PLXNC1: variants seen among roughly 807,000 people sequenced by gnomAD.
PLXNC1 encodes plexin-C1.
Under a neutral mutation model 178.2 loss-of-function variants are expected in PLXNC1, and 75 were observed. The observed-to-expected ratio is 0.42, with a 90% confidence interval of 0.35 to 0.51. The LOEUF (loss-of-function observed/expected upper bound fraction) is 0.51, where lower values mean the gene tolerates loss of function less well. Ranked by LOEUF, PLXNC1 falls within the 20% of genes least tolerant of loss-of-function variation. The pLI is 0.02. For synonymous variants in PLXNC1, 790 were observed against 779.9 expected (o/e 1.01, Z -0.22); for missense variants, 1,503 against 1,984.4 (o/e 0.76, Z 4.61).
intron 20 of PLXNC1, among the ~76,000 whole-genome samples, chr12:94,261,945 CCTT>C (rs1413878568): frequency 5.3e-5 from 8 of 152,280 alleles, no homozygotes; most frequent in Admixed American, 3.3e-4. Context: ...ATGAAATCTG[CCTT>C]CTTTTCTGTT....
At chr12:94,290,669 G>C (rs978087321) in intron 23 of PLXNC1, among the ~76,000 whole-genome samples, 4 of 152,258 alleles carry the variant, frequency 2.6e-5, no homozygotes, top group Non-Finnish European at 4.4e-5. Flanking sequence ...AAGGAGATTA[G>C]GTTTTAATCC....
At chr12:94,210,493 G>C (rs1459728763) in intron 5 of PLXNC1, among the ~76,000 whole-genome samples, 1 of 152,200 alleles carries the variant, frequency 6.6e-6, no homozygotes, top group Non-Finnish European at 1.5e-5. Flanking sequence ...ACAGCAGCCA[G>C]CTGACCTGTC....
chr12:94,213,283 TTCC>T (rs1261327287), intron 5 of PLXNC1, among the ~76,000 whole-genome samples: 1 of 152,232 alleles, frequency 6.6e-6, no homozygotes, highest in Non-Finnish European at 1.5e-5. Context: ...TGTAAAAGTG[TTCC>T]TGTTTCTCCA....
At chr12:94,177,788 T>C (rs927367012) in intron 2 of PLXNC1, among the ~76,000 whole-genome samples, 5 of 152,224 alleles carry the variant, frequency 3.3e-5, no homozygotes, top group African/African-American at 1.2e-4. Flanking sequence ...CAATAAAAAC[T>C]GCAGTGCAGC....
rs1309634964 is a variant in PLXNC1 at position 94,248,277 on chromosome 12, C to T, written c.2643C>T (p.Leu881=). Reference sequence around the variant, plus strand: ...CCAAAAAAGACATTGAAATTACTCTCTTCCATGGGGAAAATGGGCAATTAA... The same window carrying T: ...CCAAAAAAGACATTGAAATTACTCTTTTCCATGGGGAAAATGGGCAATTAA... ...NISKKDIEIT[L]FHGENGQLNC... The change falls in exon 14 of 31, where the codon CTC becomes CTT. Residue 881 remains leucine, a synonymous_variant. Transcript: ENST00000258526. The T allele has an allele frequency of 1.2e-6, 2 of 1,613,336 alleles. No individual in the cohort carries two copies. The highest frequency in any genetic ancestry group is 2.2e-5 in the East Asian group (1 of 44,890).
chr12:94,199,000 A>G (rs759889093), intron 4 of PLXNC1, among the ~76,000 whole-genome samples: 1 of 152,212 alleles, frequency 6.6e-6, no homozygotes, highest in African/African-American at 2.4e-5. Flanking sequence ...AAAATAAATG[A>G]GGAAAGAGAG....
At chr12:94,196,064 T>G (rs912621610) in intron 4 of PLXNC1, among the ~76,000 whole-genome samples, 16 of 152,208 alleles carry the variant, frequency 1.1e-4, no homozygotes, top group Non-Finnish European at 1.3e-4. Flanking sequence ...CCACCAGGAC[T>G]GTGATTGCCC....
At chr12:94,286,341 T>C (rs1236862499) in intron 23 of PLXNC1, among the ~76,000 whole-genome samples, 1 of 152,136 alleles carries the variant, frequency 6.6e-6, no homozygotes, top group African/African-American at 2.4e-5. Flanking sequence ...GCCTGGACCA[T>C]CTCAAAAGCC....
At chr12:94,190,562 C>A (rs1206674051) in intron 4 of PLXNC1, among the ~76,000 whole-genome samples, 1 of 152,136 alleles carries the variant, frequency 6.6e-6, no homozygotes, top group African/African-American at 2.4e-5. Flanking sequence ...TCTGCTCTTG[C>A]TCCCTCACCC....
intron 20 of PLXNC1, chr12:94,262,479 CCAAA>C (rs1965018876): frequency 2.0e-6 from 2 of 985,452 alleles, no homozygotes; most frequent in African/African-American, 1.7e-5. Flanking sequence ...GGCTGCGAGC[CCAAA>C]CAGCCTCCTT....
At chr12:94,266,335 C>T (rs759244419) in intron 21 of PLXNC1, among the ~76,000 whole-genome samples, 3 of 152,138 alleles carry the variant, frequency 2.0e-5, no homozygotes, top group South Asian at 2.1e-4. Context: ...CATCCGAGAG[C>T]GGGAAGCTGA....
chr12:94,283,328 T>C (rs553096312), intron 23 of PLXNC1, among the ~76,000 whole-genome samples: 6 of 152,148 alleles, frequency 3.9e-5, no homozygotes, highest in East Asian at 3.9e-4. Context: ...AGGGAGAGCA[T>C]GCGTGTTAGA....
chr12:94,291,867 C>T (rs1176231085), intron 23 of PLXNC1, among the ~76,000 whole-genome samples: 3 of 152,168 alleles, frequency 2.0e-5, no homozygotes, highest in African/African-American at 7.2e-5. Context: ...ACCCAGTGAA[C>T]GTAGTACCCA....
chr12:94,296,653 A>G (rs1967948774), intron 24 of PLXNC1, among the ~76,000 whole-genome samples: 1 of 152,234 alleles, frequency 6.6e-6, no homozygotes, highest in African/African-American at 2.4e-5. Context: ...CAATTTGCCT[A>G]GCTGACTCTA....
In PLXNC1 at chr12:94,260,509, T is replaced by TAA. The variant is rs376806060; in HGVS notation, c.3252-116_3252-115dup. On this transcript the variant is annotated intron_variant, in intron 19 of 30. Coordinates refer to ENST00000258526, the MANE Select transcript of PLXNC1 (RefSeq NM_005761.3). The surrounding 1 kb of genome is among the most constrained non-coding windows in gnomAD (Gnocchi z 4.4). ...ATAGAAGTGGTTAGAATCTAAACAT[T>TAA]AAAAAAAAAAAAAAAAAAGCTCCCA... 329 of 484,964 alleles carry TAA rather than the reference T, an allele frequency of 6.8e-4. No individual in the cohort carries two copies. Among genetic ancestry groups the TAA allele is most frequent in the Non-Finnish European group, 8.7e-4 (247 of 284,674 alleles). 30.0% of individuals were successfully genotyped at this position (484,964 alleles called of 1,614,324 possible). A position where few individuals can be genotyped will look rare whatever the true frequency, so the allele number is the denominator to read the frequency against.
Position 94,148,989 on chromosome 12 carries a change from G to A in PLXNC1, c.18G>A (p.Arg6=), listed in dbSNP as rs1169779149. 1.4e-6 allele frequency: 2 copies of A among 1,443,102 alleles called. No homozygotes were observed. Among genetic ancestry groups the A allele is most frequent in the Non-Finnish European group, 1.8e-6 (2 of 1,105,134 alleles). 89.4% of individuals were successfully genotyped at this position (1,443,102 alleles called of 1,614,324 possible). The part of the protein sequence containing the change: MEVSR[R]KAPPRPPRPA... ...CCAGCCCCATGGAGGTCTCCCGGAG[G>A]AAGGCGCCGCCGCGCCCCCCGCGCC... The change falls in exon 1 of 31, where the codon AGG becomes AGA. Residue 6 remains arginine (R), a synonymous_variant. Transcript: ENST00000258526. This position sits in a 1 kb window ranked among gnomAD's most constrained non-coding sequence, Gnocchi z 4.8.
intron 4 of PLXNC1, among the ~76,000 whole-genome samples, chr12:94,200,655 C>A (rs1442110875): frequency 6.6e-6 from 1 of 152,088 alleles, no homozygotes; most frequent in Non-Finnish European, 1.5e-5. Flanking sequence ...GAACCCAGAC[C>A]CTTCTGACTC....
chr12:94,275,605 G>A (rs1965875068), intron 21 of PLXNC1, among the ~76,000 whole-genome samples: 1 of 86,240 alleles, frequency 1.2e-5, no homozygotes, highest in African/African-American at 5.0e-5. Flanking sequence ...TGTAATCCCA[G>A]CACTTTGGGA....
chr12:94,216,278 AAAG>A (rs1592774681), intron 5 of PLXNC1, among the ~76,000 whole-genome samples: 2 of 151,854 alleles, frequency 1.3e-5, no homozygotes, highest in Admixed American at 6.6e-5. Context: ...CAAAAAAAAA[AAAG>A]AGTTAACTAA....
Sources: allele counts gnomAD v4.1 joint callset (sites outside exome capture counted in the v4.1 genomes callset), GRCh38; gene constraint gnomAD v4.1.1; non-coding constraint Gnocchi (gnomAD v3.1); transcripts MANE v1.5; gene names NCBI Gene and HGNC (gene_info 2026-07-23, HGNC 2026-07-21).